The following CHRNB2 variants were observed in gnomAD, a reference collection of about 807,000 sequenced individuals.
CHRNB2 encodes the protein cholinergic receptor nicotinic beta 2 subunit, also known as neuronal acetylcholine receptor subunit beta-2.
Under a neutral mutation model 42.7 loss-of-function variants are expected in CHRNB2, and 33 were observed. The observed-to-expected ratio is 0.77, with a 90% CI of 0.59 to 1.03. The LOEUF is 1.03. Ranked by LOEUF, CHRNB2 falls within the 50% of genes least tolerant of loss-of-function variation. The pLI is 0.00. For synonymous variants in CHRNB2, 325 were observed against 292.9 expected (o/e 1.11, Z -1.12); for missense variants, 603 against 700.9 (o/e 0.86, Z 1.58).
In CHRNB2 at chr1:154,571,460, A is replaced by C; in HGVS notation, c.637A>C (p.Asn213His). The C allele has an allele frequency of 6.2e-7, 1 of 1,614,052 alleles. No individual in the cohort carries two copies. ...CATCGTGGCGCTGCCGGGCCGGCGC[A>C]ACGAGAACCCCGACGACTCTACGTA... Reference protein sequence around the residue: ...WDIVALPGRRNENPDDSTYVD... With the variant: ...WDIVALPGRRHENPDDSTYVD... Residue 213 changes from asparagine (N) to histidine (H), a missense_variant, in exon 5 of 6, where the codon AAC (asparagine) becomes CAC (histidine). Physicochemically the swap from Asn to His is moderately conservative, Grantham distance 68. This residue lies in a region of CHRNB2 where 333 missense variants were observed against 452.6 expected (regional missense o/e 0.74). Coordinates refer to ENST00000368476, the MANE Select transcript of CHRNB2 (RefSeq NM_000748.3). This position sits in a 1 kb window ranked among gnomAD's most constrained non-coding sequence, Gnocchi z 6.8.
In CHRNB2 at chr1:154,567,975, C is replaced by A. The variant is rs1696089903; in HGVS notation, c.-70C>A. 7.2e-7 allele frequency: 1 copy of A among 1,392,312 alleles called. No individual in the cohort carries two copies. Among genetic ancestry groups the A allele is most frequent in the Non-Finnish European group, 9.4e-7 (1 of 1,064,742 alleles). 86.2% of individuals were successfully genotyped at this position (1,392,312 alleles called of 1,614,324 possible). A position where few individuals can be genotyped will look rare whatever the true frequency, so the allele number is the denominator to read the frequency against. Reference sequence around the variant, plus strand: ...CGGCTTCAGCACCACGGACAGCGCCCCACCCGCGGCCCTCCCCCCGGCGGC... The same window carrying A: ...CGGCTTCAGCACCACGGACAGCGCCACACCCGCGGCCCTCCCCCCGGCGGC... On this transcript the variant is annotated 5_prime_UTR_variant, in exon 1 of 6. Transcript: ENST00000368476.
At position 154,571,650 on chromosome 1, in the gene CHRNB2, T is replaced by C; in HGVS notation, c.827T>C (p.Leu276Pro). Residue 276 changes from leucine (L) to proline (P), a missense_variant, in exon 5 of 6, where the codon CTC becomes CCC. This residue lies in a region of CHRNB2 where 333 missense variants were observed against 452.6 expected (regional missense o/e 0.74). Coordinates refer to ENST00000368476, the MANE Select transcript of CHRNB2 (RefSeq NM_000748.3). The surrounding 1 kb of genome is among the most constrained non-coding windows in gnomAD (Gnocchi z 6.8). ...TTGTGCATCTCAGTGCTGCTGGCGC[T>C]CACGGTCTTCCTGCTGCTCATCTCC... ...MTLCISVLLA[L>P]TVFLLLISKI... 1 of 1,614,236 alleles carries C rather than the reference T, an allele frequency of 6.2e-7. No homozygotes were observed. Among genetic ancestry groups the C allele is most frequent in the Non-Finnish European group, 8.5e-7 (1 of 1,180,032 alleles).
rs1261463518 is a variant in CHRNB2, at chr1:154,578,574, A to T, written c.*2642A>T. 1 of 152,350 alleles carries T rather than the reference A, an allele frequency of 6.6e-6. No individual in the cohort carries two copies. Among genetic ancestry groups the T allele is most frequent in the Non-Finnish European group, 1.5e-5 (1 of 68,102 alleles). 9.4% of individuals were successfully genotyped at this position (152,350 alleles called of 1,614,324 possible). On this transcript the variant is annotated 3_prime_UTR_variant, in exon 6 of 6. Coordinates refer to ENST00000368476, the MANE Select transcript of CHRNB2 (RefSeq NM_000748.3). ...CTCTGTACGCAGCCCTTTGGGAACCATCACAATAAGGAAGAGGTGAGGGCA... is the reference window on the plus strand; with the variant it reads ...CTCTGTACGCAGCCCTTTGGGAACCTTCACAATAAGGAAGAGGTGAGGGCA...
intron 5 of CHRNB2, 57 bp downstream of exon 5, chr1:154,572,218 G>C (rs1423212618): frequency 8.2e-5 from 125 of 1,532,630 alleles, no homozygotes; most frequent in African/African-American, 1.4e-5. Context: ...CAGGGCCCGG[G>C]TATCTGGAAA....
chr1:154,571,246 C>T lies in CHRNB2; in HGVS notation c.423C>T (p.Gly141=), dbSNP rs1696159240. ...CCAATGCCGTGGTCTCCTATGATGG[C>T]AGCATCTTCTGGCTGCCGCCTGCCA... ...FYSNAVVSYD[G]SIFWLPPAIY... Residue 141 remains glycine, a synonymous_variant, in exon 5 of 6, where the codon GGC becomes GGT. Transcript: ENST00000368476. This position sits in a 1 kb window ranked among gnomAD's most constrained non-coding sequence, Gnocchi z 6.8. The T allele has an allele frequency of 6.2e-7, 1 of 1,614,186 alleles. No individual in the cohort carries two copies.
rs1330242423 is a variant in CHRNB2 at position 154,571,074 on chromosome 1, G to A, written c.366-115G>A. 2 of 1,599,728 alleles carry A rather than the reference G, an allele frequency of 1.3e-6. No individual in the cohort carries two copies. The highest frequency in any genetic ancestry group is 2.7e-5 in the African/African-American group (2 of 74,664). ...CCTGGATGGTTACTCTCAGATCTGGGTGTCCCCTCCCCATGTCTCCCTCTG... is the reference window on the plus strand; with the variant it reads ...CCTGGATGGTTACTCTCAGATCTGGATGTCCCCTCCCCATGTCTCCCTCTG... On this transcript the variant is annotated intron_variant, in intron 4 of 5. Coordinates refer to ENST00000368476, the MANE Select transcript of CHRNB2 (RefSeq NM_000748.3). The surrounding 1 kb of genome is among the most constrained non-coding windows in gnomAD (Gnocchi z 6.8).
chr1:154,575,133 C>CTAAA (rs1553204802), intron 5 of CHRNB2, among the ~76,000 whole-genome samples: 1 of 152,230 alleles, frequency 6.6e-6, no homozygotes, highest in East Asian at 1.9e-4. Context: ...ACTTAACTCA[C>CTAAA]TAAAGCATCA....
At position 154,571,558 on chromosome 1, in the gene CHRNB2, T is replaced by C. The variant is rs201691696; in HGVS notation, c.735T>C (p.Cys245=). ...ACACCATCAACCTCATCATCCCCTG[T>C]GTGCTCATCACCTCGCTAGCCATCC... ...LFYTINLIIP[C]VLITSLAILV... Residue 245 remains cysteine, a synonymous_variant, in exon 5 of 6, where the codon TGT becomes TGC. Transcript: ENST00000368476. This position sits in a 1 kb window ranked among gnomAD's most constrained non-coding sequence, Gnocchi z 6.8. 1.4e-5 allele frequency: 22 copies of C among 1,614,186 alleles called. No individual in the cohort carries two copies. The highest frequency in any genetic ancestry group is 1.9e-5 in the Non-Finnish European group (22 of 1,180,024).
Position 154,571,004 on chromosome 1 carries a change from C to A in CHRNB2, c.366-185C>A, listed in dbSNP as rs1319925882. Among the ~76,000 whole-genome samples the A allele has an allele frequency of 6.6e-6, 1 of 152,066 alleles. No individual in the cohort carries two copies. Among genetic ancestry groups the A allele is most frequent in the East Asian group, 1.9e-4 (1 of 5,184 alleles). ...CTTCTTCTGGTCACTAACCTTCCCC[C>A]CCCTCCCCATATCCCCTTCTTGCTC... On this transcript the variant is annotated intron_variant, in intron 4 of 5. Transcript: ENST00000368476. The surrounding 1 kb of genome is among the most constrained non-coding windows in gnomAD (Gnocchi z 6.8).
chr1:154,575,253 C>T (rs928220639), intron 5 of CHRNB2, among the ~76,000 whole-genome samples: 1 of 152,222 alleles, frequency 6.6e-6, no homozygotes, highest in Non-Finnish European at 1.5e-5. Flanking sequence ...CAAATTGAAA[C>T]AATACAGTAC....
In CHRNB2 at chr1:154,579,382, G is replaced by A. The variant is rs564537995; in HGVS notation, c.*3450G>A. On this transcript the variant is annotated 3_prime_UTR_variant, in exon 6 of 6. Coordinates refer to ENST00000368476, the MANE Select transcript of CHRNB2 (RefSeq NM_000748.3). ...GCTCAGAAAGACCAAGTGACAGCTAGTGAGTAGTGCTGGGCCTGAACCCCA... is the reference window on the plus strand; with the variant it reads ...GCTCAGAAAGACCAAGTGACAGCTAATGAGTAGTGCTGGGCCTGAACCCCA... 6.6e-6 allele frequency: 1 copy of A among 152,396 alleles called. No homozygotes were observed. The highest frequency in any genetic ancestry group is 2.1e-4 in the South Asian group (1 of 4,830). The allele number at this position is 152,396 out of a possible 1,614,324, so 9.4% of individuals were successfully genotyped here.
chr1:154,570,467 G>A, intron 4 of CHRNB2, 100 bp downstream of exon 4: 1 of 766,866 alleles, frequency 1.3e-6, no homozygotes, highest in Non-Finnish European at 2.3e-6. Flanking sequence ...TGGGAGGGGA[G>A]GGACTTATAA....
chr1:154,576,269 A>G lies in CHRNB2; in HGVS notation c.*337A>G, dbSNP rs202226324. On this transcript the variant is annotated 3_prime_UTR_variant, in exon 6 of 6. Transcript: ENST00000368476. ...ATGGGCAAGGGGCCAGGAAGGGGAC[A>G]GGATTGTCTGCTGCCTCCAAGTCAT... 12 of 408,492 alleles carry G rather than the reference A, an allele frequency of 2.9e-5. No individual in the cohort carries two copies. Among genetic ancestry groups the G allele is most frequent in the Non-Finnish European group, 5.1e-5 (11 of 214,742 alleles). 25.3% of individuals were successfully genotyped at this position (408,492 alleles called of 1,614,324 possible).
chr1:154,574,675 G>T (rs543232056), intron 5 of CHRNB2, among the ~76,000 whole-genome samples: 2 of 152,250 alleles, frequency 1.3e-5, no homozygotes, highest in East Asian at 3.9e-4. Flanking sequence ...TCCTTTGTTT[G>T]CCAGTGTGGA....
rs763983504 is a variant in CHRNB2, at chr1:154,571,933, C to G, written c.1110C>G (p.Arg370=). The change falls in exon 5 of 6, where the codon CGC becomes CGG. Residue 370 remains arginine (R), a synonymous_variant. Transcript: ENST00000368476. This position sits in a 1 kb window ranked among gnomAD's most constrained non-coding sequence, Gnocchi z 6.8. ...RLRLRRRQRE[R]EGAGALFFRE... ...GCCTGCGGCGACGCCAGCGTGAGCG[C>G]GAGGGCGCTGGAGCCCTCTTCTTCC... The G allele has an allele frequency of 2.6e-5, 41 of 1,554,634 alleles. No individual in the cohort carries two copies. The highest frequency in any genetic ancestry group is 3.3e-5 in the Non-Finnish European group (38 of 1,155,174).
intron 1 of CHRNB2, 149 bp from the exon 2 acceptor site, chr1:154,569,313 C>T: frequency 1.1e-6 from 1 of 935,070 alleles, no homozygotes; most frequent in East Asian, 2.6e-5. Flanking sequence ...CTGGGGCCTC[C>T]CTGGGGTTAA....
At position 154,571,951 on chromosome 1, in the gene CHRNB2, C is replaced by T. The variant is rs113116986; in HGVS notation, c.1128C>T (p.Leu376=). The change falls in exon 5 of 6, where the codon CTC becomes CTT. Residue 376 remains leucine, a synonymous_variant. Coordinates refer to ENST00000368476, the MANE Select transcript of CHRNB2 (RefSeq NM_000748.3). This position sits in a 1 kb window ranked among gnomAD's most constrained non-coding sequence, Gnocchi z 6.8. ...GTGAGCGCGAGGGCGCTGGAGCCCT[C>T]TTCTTCCGCGAAGCCCCAGGGGCCG... The part of the protein sequence containing the change: ...RQREREGAGA[L]FFREAPGADS... 2.1e-4 allele frequency: 326 copies of T among 1,546,120 alleles called. No homozygotes were observed. Among genetic ancestry groups the T allele is most frequent in the Admixed American group, 4.8e-4 (25 of 52,038 alleles).
Position 154,569,589 on chromosome 1 carries a change from G to T in CHRNB2, c.192G>T (p.Leu64=). ...ELVTVQLMVS[L]AQLISVHERE... The stretch of plus-strand genomic sequence containing the variant: ...TGACAGTACAGCTTATGGTGTCACT[G>T]GCCCAGCTCATCAGTGTGGTGAGTA... The change falls in exon 2 of 6, where the codon CTG becomes CTT. Residue 64 remains leucine, a synonymous_variant. Coordinates refer to ENST00000368476, the MANE Select transcript of CHRNB2 (RefSeq NM_000748.3). 2 of 1,614,096 alleles carry T rather than the reference G, an allele frequency of 1.2e-6. No individual in the cohort carries two copies. The highest frequency in any genetic ancestry group is 1.7e-6 in the Non-Finnish European group (2 of 1,180,004).
At position 154,571,561 on chromosome 1, in the gene CHRNB2, G is replaced by C; in HGVS notation, c.738G>C (p.Val246=). Residue 246 remains valine (V), a synonymous_variant, in exon 5 of 6, where the codon GTG becomes GTC. Transcript: ENST00000368476. The surrounding 1 kb of genome is among the most constrained non-coding windows in gnomAD (Gnocchi z 6.8). ...CCATCAACCTCATCATCCCCTGTGT[G>C]CTCATCACCTCGCTAGCCATCCTTG... ...FYTINLIIPC[V]LITSLAILVF... 6.2e-7 allele frequency: 1 copy of C among 1,614,146 alleles called. No individual in the cohort carries two copies. The highest frequency in any genetic ancestry group is 8.5e-7 in the Non-Finnish European group (1 of 1,180,030).
Sources: allele counts gnomAD v4.1 joint callset (sites outside exome capture counted in the v4.1 genomes callset), GRCh38; gene constraint gnomAD v4.1.1; regional missense constraint gnomAD v4.1.1; non-coding constraint Gnocchi (gnomAD v3.1); transcripts MANE v1.5; gene names NCBI Gene and HGNC (gene_info 2026-07-23, HGNC 2026-07-21).